Variants in ESR2 observed in about 807,000 individuals in gnomAD.
ESR2 encodes the protein estrogen receptor beta.
ESR2 carries 36 observed loss-of-function variants against 49.6 expected under a neutral mutation model. That is an observed-to-expected ratio of 0.73 (90% CI 0.56 to 0.96). ESR2 has a LOEUF of 0.96. Ranked by LOEUF, ESR2 falls within the 40% of genes least tolerant of loss-of-function variation. The pLI is 0.00. For synonymous variants in ESR2, 320 were observed against 266.1 expected (o/e 1.20, Z -1.97); for missense variants, 714 against 693.0 (o/e 1.03, Z -0.34).
rs1361488363 is a variant in ESR2 at position 64,229,218 on chromosome 14, G to A, written c.*3919C>T. On this transcript the variant is annotated 3_prime_UTR_variant, in exon 9 of 9. Coordinates refer to ENST00000341099, the MANE Select transcript of ESR2 (RefSeq NM_001437.3). Reference sequence around the variant, plus strand: ...TAAGCTGAGGAGATGGGATCTAAAGGTACAGCAGAAGACAACCCTAACTTC... The same window carrying A: ...TAAGCTGAGGAGATGGGATCTAAAGATACAGCAGAAGACAACCCTAACTTC... 6.6e-6 allele frequency among the ~76,000 whole-genome samples: 1 copy of A among 152,082 alleles called. No homozygotes were observed. Among genetic ancestry groups the A allele is most frequent in the Non-Finnish European group, 1.5e-5 (1 of 68,022 alleles).
intron 1 of ESR2, among the ~76,000 whole-genome samples, chr14:64,316,686 G>A (rs1441308228): frequency 3.3e-5 from 5 of 152,020 alleles, no homozygotes; most frequent in Non-Finnish European, 5.9e-5. Flanking sequence ...GCACGCACCT[G>A]TGGTACCAGC....
intron 1 of ESR2, among the ~76,000 whole-genome samples, chr14:64,291,970 A>G (rs533592362): frequency 8.5e-5 from 13 of 152,306 alleles, no homozygotes; most frequent in African/African-American, 2.6e-4. Flanking sequence ...TATGATATAA[A>G]TAACTTTTAA....
At chr14:64,295,421 T>C (rs968135674), upstream of ESR2, among the ~76,000 whole-genome samples, 1 of 152,160 alleles carries the variant, frequency 6.6e-6, no homozygotes, top group Non-Finnish European at 1.5e-5. Context: ...GGTCCACAGG[T>C]AATGAAGACA....
At chr14:64,238,201 G>A (rs1159624702) in intron 7 of ESR2, among the ~76,000 whole-genome samples, 2 of 152,198 alleles carry the variant, frequency 1.3e-5, no homozygotes, top group Admixed American at 1.3e-4. Flanking sequence ...ACGAACCACA[G>A]TCATTGCCAA....
At chr14:64,245,288 C>T (rs1045107471) in intron 7 of ESR2, among the ~76,000 whole-genome samples, 1 of 151,960 alleles carries the variant, frequency 6.6e-6, no homozygotes, top group Non-Finnish European at 1.5e-5. Context: ...CCGAGGCAAG[C>T]GGATCACGAG....
chr14:64,273,486 A>T (rs2076491877), intron 3 of ESR2, among the ~76,000 whole-genome samples: 1 of 152,062 alleles, frequency 6.6e-6, no homozygotes, highest in Non-Finnish European at 1.5e-5. Context: ...TTCTGTCTAT[A>T]CCCAGTTTTT....
intron 5 of ESR2, 193 bp from the exon 6 acceptor site, chr14:64,257,557 T>G: frequency 1.5e-6 from 1 of 661,128 alleles, no homozygotes; most frequent in South Asian, 2.1e-5. Flanking sequence ...TAGTTTCCAG[T>G]CTTGGACCCC....
rs146465232 is a variant in ESR2 at position 64,304,350 on chromosome 14, T to C, written c.-90-21275A>G. ...CCACAGCAATTTGATTGGTTACAGA[T>C]TGCTAAATTCCAAGAAAGAATACTT... On this transcript the variant is annotated intron_variant, in intron 1 of 8. Transcript: ENST00000358599. Among the ~76,000 whole-genome samples, 842 of 152,144 alleles carry C rather than the reference T, an allele frequency of 5.5e-3. 7 individuals are homozygous for C. The highest frequency in any genetic ancestry group is 0.019 in the African/African-American group (796 of 41,492).
intron 1 of ESR2, among the ~76,000 whole-genome samples, chr14:64,310,415 T>G (rs966636877): frequency 2.6e-5 from 4 of 151,842 alleles, no homozygotes; most frequent in Non-Finnish European, 5.9e-5. Flanking sequence ...ATAAAGATTC[T>G]GTTCCAAAGG....
At chr14:64,269,040 G>A in intron 3 of ESR2, 129 bp from the exon 4 acceptor site, 1 of 610,326 alleles carries the variant, frequency 1.6e-6, no homozygotes, top group South Asian at 2.2e-5. Flanking sequence ...ACCAGTACAG[G>A]TACAAAGCCA....
intron 7 of ESR2, among the ~76,000 whole-genome samples, chr14:64,248,505 C>CAAAAA (rs56108535): frequency 1.1e-5 from 1 of 87,262 alleles, no homozygotes. Context: ...GATCCTGTCT[C>CAAAAA]AAAAAAAAAA....
At chr14:64,249,710 C>G in intron 6 of ESR2, 31 bp from the exon 7 acceptor site, 13 of 1,588,142 alleles carry the variant, frequency 8.2e-6, no homozygotes, top group Non-Finnish European at 1.1e-5. Context: ...ATTTAAGGAA[C>G]ATAGCTTCAG....
rs199850956 is a variant in ESR2 at position 64,312,461 on chromosome 14, C to T, written c.-91+25437G>A. ...CTTTGGGAGGCCGAAGCAAGCAGATCACTTGAAGTCAGTGTAGGAATTAAA... is the reference window on the plus strand; with the variant it reads ...CTTTGGGAGGCCGAAGCAAGCAGATTACTTGAAGTCAGTGTAGGAATTAAA... On this transcript the variant is annotated intron_variant, in intron 1 of 8. Transcript: ENST00000358599. 1.7e-4 allele frequency among the ~76,000 whole-genome samples: 26 copies of T among 152,236 alleles called. No individual in the cohort carries two copies. In the East Asian group the frequency reaches 3.7e-3, roughly 21 times the overall value.
intron 6 of ESR2, among the ~76,000 whole-genome samples, chr14:64,251,649 A>G (rs1427007394): frequency 1.3e-5 from 2 of 152,218 alleles, no homozygotes; most frequent in Non-Finnish European, 2.9e-5. Context: ...CCCTCACAGT[A>G]ATCAGACCAT....
chr14:64,241,129 G>C (rs1024013398), intron 7 of ESR2, among the ~76,000 whole-genome samples: 1 of 125,660 alleles, frequency 8.0e-6, no homozygotes, highest in Non-Finnish European at 1.6e-5. Context: ...CTGGGCCACA[G>C]AGCGAGACTC....
chr14:64,307,478 G>T, intron 1 of ESR2, among the ~76,000 whole-genome samples: 1 of 151,970 alleles, frequency 6.6e-6, no homozygotes, highest in East Asian at 1.9e-4. Flanking sequence ...CTTCCAAAGT[G>T]CTGGAATTAC....
intron 1 of ESR2, among the ~76,000 whole-genome samples, chr14:64,292,522 G>C (rs770097911): frequency 6.6e-6 from 1 of 152,146 alleles, no homozygotes; most frequent in Non-Finnish European, 1.5e-5. Flanking sequence ...CAATGTGCTA[G>C]ACACTGAATT....
At chr14:64,253,737 G>A (rs539377556) in intron 6 of ESR2, among the ~76,000 whole-genome samples, 3 of 152,174 alleles carry the variant, frequency 2.0e-5, no homozygotes, top group South Asian at 4.2e-4. Flanking sequence ...TTGAAAATTC[G>A]GTGGTTATCT....
chr14:64,301,009 C>A (rs2077015487), intron 1 of ESR2, among the ~76,000 whole-genome samples: 3 of 152,112 alleles, frequency 2.0e-5, no homozygotes, highest in Admixed American at 2.0e-4. Flanking sequence ...TTAATTTTAT[C>A]CTTAAAACAA....
Sources: gnomAD v4.1 joint callset for allele counts (sites outside exome capture counted in the v4.1 genomes callset) on GRCh38, gnomAD v4.1.1 for gene constraint, MANE v1.5 for transcripts, NCBI Gene and HGNC (gene_info 2026-07-23, HGNC 2026-07-21) for gene names.